ORC5: variants seen among roughly 807,000 people sequenced by gnomAD.
ORC5 encodes the protein origin recognition complex subunit 5.
Under a neutral mutation model 58.8 loss-of-function variants are expected in ORC5, and 39 were observed. The ratio of observed to expected loss-of-function variants is 0.66; its 90% CI spans 0.51 to 0.87. The LOEUF is 0.87. Among genes scored for constraint, ORC5 ranks in the 40% least tolerant of loss-of-function variants. The pLI, the probability that ORC5 is intolerant of heterozygous loss-of-function variation, is 0.00. For synonymous variants in ORC5, 218 were observed against 177.6 expected, an observed-to-expected ratio of 1.23 and a Z score of -1.81; for missense variants, 493 against 506.3, an observed-to-expected ratio of 0.97 and a Z score of 0.25.
chr7:104,136,643 T>G lies in ORC5; in HGVS notation c.1262+138A>C. 1.8e-6 allele frequency: 1 copy of G among 546,044 alleles called. No homozygotes were observed. The highest frequency in any genetic ancestry group is 3.2e-6 in the Non-Finnish European group (1 of 311,490). The allele number at this position is 546,044 out of a possible 1,614,324, so 33.8% of individuals were successfully genotyped here. On this transcript the variant is annotated intron_variant, in intron 13 of 13. Coordinates refer to ENST00000297431, the MANE Select transcript of ORC5 (RefSeq NM_002553.4). The surrounding 1 kb of genome is among the most constrained non-coding windows in gnomAD (Gnocchi z 4.2). ...CATTTGTAAATTTGAGAAGGTTCATTCTATCGTACAGCTTATTCATTCTTG... is the reference window on the plus strand; with the variant it reads ...CATTTGTAAATTTGAGAAGGTTCATGCTATCGTACAGCTTATTCATTCTTG...
In ORC5 at chr7:104,136,056, T is replaced by C. The variant is rs1240665309; in HGVS notation, c.1262+725A>G. 6.6e-6 allele frequency among the ~76,000 whole-genome samples: 1 copy of C among 152,212 alleles called. No individual in the cohort carries two copies. The highest frequency in any genetic ancestry group is 1.5e-5 in the Non-Finnish European group (1 of 68,046). On this transcript the variant is annotated intron_variant, in intron 13 of 13. Transcript: ENST00000297431. The surrounding 1 kb of genome is among the most constrained non-coding windows in gnomAD (Gnocchi z 4.2). ...CACCTCTTTGTAAGGAAACTTGTAT[T>C]TTTAGACAGCTTTCATTTTGACAAA...
chr7:104,135,972 C>T (rs779619197), intron 13 of ORC5, among the ~76,000 whole-genome samples: 2 of 152,096 alleles, frequency 1.3e-5, no homozygotes, highest in Non-Finnish European at 2.9e-5. Context: ...CAGCTGCAAC[C>T]GTATGATGAA....
intron 8 of ORC5, among the ~76,000 whole-genome samples, chr7:104,182,616 C>T (rs954118833): frequency 2.6e-5 from 4 of 151,580 alleles, no homozygotes; most frequent in African/African-American, 7.3e-5. Flanking sequence ...AAGCTGTACC[C>T]GAATAAATTC....
In ORC5 at chr7:104,207,981, T is replaced by C. The variant is rs1800141176; in HGVS notation, c.-77A>G. ...CACAAGACGGAGCCTCTCCCGAGTC[T>C]GGCGGCCCACGCTCCCGCCGGAAAC... On this transcript the variant is annotated 5_prime_UTR_variant, in exon 1 of 14. Transcript: ENST00000297431. The C allele has an allele frequency of 7.9e-6, 11 of 1,390,684 alleles. No individual in the cohort carries two copies. The highest frequency in any genetic ancestry group is 1.2e-5 in the South Asian group (1 of 84,942). The allele number at this position is 1,390,684 out of a possible 1,614,324, so 86.1% of individuals were successfully genotyped here.
chr7:104,163,452 T>C (rs1371391277), intron 11 of ORC5, among the ~76,000 whole-genome samples: 1 of 152,148 alleles, frequency 6.6e-6, no homozygotes, highest in Non-Finnish European at 1.5e-5. Context: ...AAAACTTCTG[T>C]TGTGTAAAGC....
In ORC5 at chr7:104,133,770, T is replaced by G. The variant is rs1798548403; in HGVS notation, c.1262+3011A>C. ...AAGGTCAGATGGTAAAGATAGCCTT[T>G]GTTAGTAAAAACAACCAAAGAATAA... is the stretch of plus-strand genomic sequence containing the variant. On this transcript the variant is annotated intron_variant, in intron 13 of 13. Transcript: ENST00000297431. This position sits in a 1 kb window ranked among gnomAD's most constrained non-coding sequence, Gnocchi z 4.7. Among the ~76,000 whole-genome samples the G allele has an allele frequency of 1.3e-5, 2 of 152,158 alleles. No individual in the cohort carries two copies. Among genetic ancestry groups the G allele is most frequent in the African/African-American group, 4.8e-5 (2 of 41,402 alleles).
chr7:104,200,919 A>G lies in ORC5; in HGVS notation c.205T>C (p.Leu69=). The stretch of plus-strand genomic sequence containing the variant: ...AAAATTTGTTCCAAAAGCAGCCTCA[A>G]TGTAAAGCATTCAACACAATTCACA... ...VFVNCVECFT[L]RLLLEQILNK... is the part of the protein sequence containing the mutation. The change falls in exon 3 of 14, where the codon TTG becomes CTG. Residue 69 remains leucine (L), a synonymous_variant. Coordinates refer to ENST00000297431, the MANE Select transcript of ORC5 (RefSeq NM_002553.4). 1 of 1,613,688 alleles carries G rather than the reference A, an allele frequency of 6.2e-7. No homozygotes were observed. The highest frequency in any genetic ancestry group is 8.5e-7 in the Non-Finnish European group (1 of 1,179,680).
chr7:104,151,625 G>C (rs1342600799), intron 12 of ORC5, among the ~76,000 whole-genome samples: 1 of 152,194 alleles, frequency 6.6e-6, no homozygotes. Context: ...TGAAAACCCA[G>C]GGAAAGATTT....
At position 104,200,918 on chromosome 7, in the gene ORC5, A is replaced by G. The variant is rs773897702; in HGVS notation, c.206T>C (p.Leu69Ser). 4.3e-6 allele frequency: 7 copies of G among 1,613,718 alleles called. No homozygotes were observed. Among genetic ancestry groups the G allele is most frequent in the Non-Finnish European group, 5.1e-6 (6 of 1,179,694 alleles). ...TAAAATTTGTTCCAAAAGCAGCCTCAATGTAAAGCATTCAACACAATTCAC... is the reference window on the plus strand; with the variant it reads ...TAAAATTTGTTCCAAAAGCAGCCTCGATGTAAAGCATTCAACACAATTCAC... ...VFVNCVECFT[L>S]RLLLEQILNK... Residue 69 changes from leucine (L) to serine (S), a missense_variant, in exon 3 of 14, where the codon TTG becomes TCG. Around this residue, in one of 3 missense-constraint regions of ORC5, gnomAD observed 412 missense variants for 403.7 expected, o/e 1.02. Transcript: ENST00000297431.
At chr7:104,162,051 T>A (rs748019678) in intron 11 of ORC5, among the ~76,000 whole-genome samples, 20 of 152,168 alleles carry the variant, frequency 1.3e-4, no homozygotes, top group African/African-American at 2.7e-4. Flanking sequence ...TTTAAAAAAA[T>A]TTTTTCAATA....
At chr7:104,173,075 G>A (rs1055353612) in intron 8 of ORC5, among the ~76,000 whole-genome samples, 4 of 150,980 alleles carry the variant, frequency 2.6e-5, no homozygotes, top group Admixed American at 6.6e-5. Flanking sequence ...GGAGGGCCAC[G>A]AAGAAAGTGT....
intron 13 of ORC5, among the ~76,000 whole-genome samples, chr7:104,130,516 G>A (rs1485956556): frequency 6.6e-6 from 1 of 152,158 alleles, no homozygotes; most frequent in Admixed American, 6.5e-5. Context: ...GCTACTCTGA[G>A]ATTAAGACCA....
At chr7:104,204,406 A>C (rs1469028049) in intron 1 of ORC5, among the ~76,000 whole-genome samples, 172 bp from the exon 2 acceptor site, 1 of 152,312 alleles carries the variant, frequency 6.6e-6, no homozygotes, top group South Asian at 2.1e-4. Flanking sequence ...TTCAACTCTA[A>C]GCACTTTCTT....
At chr7:104,207,738 C>T (rs1357602693) in intron 1 of ORC5, 95 bp downstream of exon 1, 6 of 1,241,374 alleles carry the variant, frequency 4.8e-6, no homozygotes, top group African/African-American at 1.5e-5. Flanking sequence ...CCTTTTGGCC[C>T]TCAATCCAAA....
intron 13 of ORC5, among the ~76,000 whole-genome samples, chr7:104,128,421 CCA>C (rs1305787750): frequency 6.6e-6 from 1 of 152,152 alleles, no homozygotes; most frequent in Non-Finnish European, 1.5e-5. Flanking sequence ...CCGCGCCCAG[CCA>C]ACACATGGTT....
chr7:104,161,062 T>C lies in ORC5; in HGVS notation c.1149+10A>G, dbSNP rs1799013926. 3 of 1,363,526 alleles carry C rather than the reference T, an allele frequency of 2.2e-6. No individual in the cohort carries two copies. 84.5% of individuals were successfully genotyped at this position (1,363,526 alleles called of 1,614,324 possible). ...AAAGATGACAGATAATAATCTATGA[T>C]TAAGCTTACCTGGGAAAAAATATTT... is the stretch of plus-strand genomic sequence containing the variant. On this transcript the variant is annotated intron_variant, in intron 12 of 13. Transcript: ENST00000297431.
rs1798551331 is a variant in ORC5, at chr7:104,133,982, G to A, written c.1262+2799C>T. ...ACCTTAGGAAGAGGAACCCCATCCT[G>A]CTGAAAAAGGAAAGAAAGAGAAGAT... On this transcript the variant is annotated intron_variant, in intron 13 of 13. Coordinates refer to ENST00000297431, the MANE Select transcript of ORC5 (RefSeq NM_002553.4). The surrounding 1 kb of genome is among the most constrained non-coding windows in gnomAD (Gnocchi z 4.7). 6.6e-6 allele frequency among the ~76,000 whole-genome samples: 1 copy of A among 152,104 alleles called. No individual in the cohort carries two copies. Among genetic ancestry groups the A allele is most frequent in the Admixed American group, 6.5e-5 (1 of 15,274 alleles).
At chr7:104,168,394 TCTTTAGTATTAA>T in intron 9 of ORC5, 67 bp downstream of exon 9, 1 of 1,545,534 alleles carries the variant, frequency 6.5e-7, no homozygotes, top group Non-Finnish European at 8.8e-7. Flanking sequence ...GACTGAATGC[TCTTTAGTATTAA>T]CTTTAGTATC....
At chr7:104,142,727 A>C (rs1243628733) in intron 12 of ORC5, among the ~76,000 whole-genome samples, 2 of 152,222 alleles carry the variant, frequency 1.3e-5, no homozygotes, top group Non-Finnish European at 2.9e-5. Flanking sequence ...CAGACAAAAC[A>C]GACATGAAAT....
Sources: allele counts gnomAD v4.1 joint callset (sites outside exome capture counted in the v4.1 genomes callset), GRCh38; gene constraint gnomAD v4.1.1; regional missense constraint gnomAD v4.1.1; non-coding constraint Gnocchi (gnomAD v3.1); transcripts MANE v1.5; gene names NCBI Gene and HGNC (gene_info 2026-07-23, HGNC 2026-07-21).